AUTS2: variants seen among roughly 807,000 people sequenced by gnomAD.
AUTS2 encodes activator of transcription and developmental regulator AUTS2.
A neutral mutation model predicts 112.4 loss-of-function variants in AUTS2; 17 were observed. The ratio of observed to expected loss-of-function variants is 0.15; its 90% CI spans 0.10 to 0.23. AUTS2 has a LOEUF of 0.23. Ranked by LOEUF, AUTS2 falls within the 10% of genes least tolerant of loss-of-function variation. The probability of loss-of-function intolerance (pLI) is 1.00; values close to 1 mark genes in which losing one functional copy is unlikely to be tolerated. For missense variants in AUTS2, 1,510 were observed against 1,701.6 expected, an observed-to-expected ratio of 0.89 and a Z score of 1.98; for synonymous variants, 751 against 702.7, an observed-to-expected ratio of 1.07 and a Z score of -1.09.
intron 4 of AUTS2, among the ~76,000 whole-genome samples, chr7:70,295,328 CA>C (rs1444849316): frequency 6.6e-6 from 1 of 152,274 alleles, no homozygotes; most frequent in East Asian, 1.9e-4. Flanking sequence ...TGGGCTGTAT[CA>C]ATCTGTTACA....
At chr7:69,806,159 G>A (rs1241181379) in intron 1 of AUTS2, among the ~76,000 whole-genome samples, 1 of 137,422 alleles carries the variant, frequency 7.3e-6, no homozygotes, top group Non-Finnish European at 1.5e-5. Context: ...ACCTCCCAAA[G>A]TGGGATTACA....
At chr7:69,765,473 A>G (rs1436214083) in intron 1 of AUTS2, among the ~76,000 whole-genome samples, 2 of 152,112 alleles carry the variant, frequency 1.3e-5, no homozygotes, top group African/African-American at 2.4e-5. Context: ...TTTTAAAAAA[A>G]TTAATTACCC....
intron 4 of AUTS2, among the ~76,000 whole-genome samples, chr7:70,249,445 A>G (rs548020957): frequency 1.8e-4 from 28 of 152,180 alleles, no homozygotes; most frequent in Non-Finnish European, 3.4e-4. Context: ...ATTAGAATAA[A>G]TGGGAAATCT....
At chr7:69,902,954 A>C (rs1237699467) in intron 2 of AUTS2, among the ~76,000 whole-genome samples, 1 of 152,180 alleles carries the variant, frequency 6.6e-6, no homozygotes, top group South Asian at 2.1e-4. Context: ...TTACTTCCCA[A>C]AGGGGTTAAA....
chr7:70,459,290 G>A (rs1203622928), intron 5 of AUTS2, among the ~76,000 whole-genome samples: 2 of 152,126 alleles, frequency 1.3e-5, no homozygotes, highest in Non-Finnish European at 2.9e-5. Flanking sequence ...GACCATCCTT[G>A]AAATTGAGGC....
At chr7:70,557,769 T>C (rs1054336076) in intron 5 of AUTS2, among the ~76,000 whole-genome samples, 3 of 152,202 alleles carry the variant, frequency 2.0e-5, no homozygotes, top group African/African-American at 7.2e-5. Context: ...GATCTGATGC[T>C]GACTGTCAAT....
chr7:70,269,501 TG>T (rs1240389626), intron 4 of AUTS2, among the ~76,000 whole-genome samples: 1 of 152,212 alleles, frequency 6.6e-6, no homozygotes, highest in African/African-American at 2.4e-5. Context: ...CTCACTTGTC[TG>T]GGTTAAAAGT....
intron 2 of AUTS2, among the ~76,000 whole-genome samples, chr7:69,938,359 T>C (rs1796496653): frequency 6.6e-6 from 1 of 152,186 alleles, no homozygotes; most frequent in Non-Finnish European, 1.5e-5. Context: ...TCCAGGAAAC[T>C]TCCTTGACTC....
chr7:70,568,708 C>G (rs1273317612), intron 5 of AUTS2, among the ~76,000 whole-genome samples: 1 of 152,172 alleles, frequency 6.6e-6, no homozygotes, highest in Non-Finnish European at 1.5e-5. Flanking sequence ...ATGCACTGCT[C>G]CTGAATCCAC....
At chr7:70,477,206 C>T (rs963631569) in intron 5 of AUTS2, among the ~76,000 whole-genome samples, 3 of 152,180 alleles carry the variant, frequency 2.0e-5, no homozygotes, top group Non-Finnish European at 4.4e-5. Context: ...TAGTTACTCA[C>T]CTTTTCTTTT....
intron 1 of AUTS2, among the ~76,000 whole-genome samples, chr7:69,720,249 G>T (rs1429966597): frequency 6.6e-6 from 1 of 152,168 alleles, no homozygotes; most frequent in African/African-American, 2.4e-5. Context: ...TTGAGTTTTG[G>T]TCTACATTTT....
intron 16 of AUTS2, 76 bp from the exon 17 acceptor site, chr7:70,785,879 C>G: frequency 7.0e-7 from 1 of 1,421,700 alleles, no homozygotes; most frequent in Admixed American, 1.7e-5. Context: ...CCCGCATCGC[C>G]CTGCTCCCAG....
chr7:70,785,460 C>T (rs1446687995), intron 16 of AUTS2: 1 of 472,264 alleles, frequency 2.1e-6, no homozygotes, highest in East Asian at 6.6e-5. Context: ...AAATGAGTCT[C>T]TTCCTAATAA....
intron 1 of AUTS2, among the ~76,000 whole-genome samples, chr7:69,896,369 G>A (rs905575079): frequency 2.6e-5 from 4 of 152,184 alleles, no homozygotes; most frequent in African/African-American, 9.7e-5. Flanking sequence ...ATGGCAGAGG[G>A]TTAATCGTCT....
intron 4 of AUTS2, among the ~76,000 whole-genome samples, chr7:70,309,655 C>G (rs1423971540): frequency 6.6e-6 from 1 of 152,050 alleles, no homozygotes; most frequent in Non-Finnish European, 1.5e-5. Flanking sequence ...TATAGTAAAA[C>G]CCATGAGTTA....
intron 5 of AUTS2, among the ~76,000 whole-genome samples, chr7:70,523,239 G>A (rs1399537898): frequency 6.6e-6 from 1 of 152,124 alleles, no homozygotes; most frequent in Non-Finnish European, 1.5e-5. Flanking sequence ...GTGTGTAGCT[G>A]TGAGGTGGTC....
chr7:70,734,319 A>C (rs1450661354), intron 6 of AUTS2, among the ~76,000 whole-genome samples: 2 of 152,094 alleles, frequency 1.3e-5, no homozygotes, highest in African/African-American at 2.4e-5. Context: ...CGGTGCCTGT[A>C]GTCCCAGCTA....
At chr7:69,978,563 A>T (rs1265566066) in intron 2 of AUTS2, among the ~76,000 whole-genome samples, 1 of 152,086 alleles carries the variant, frequency 6.6e-6, no homozygotes, top group Non-Finnish European at 1.5e-5. Context: ...TATTGGTTGG[A>T]TGCAGTGGCT....
At chr7:70,373,161 G>C (rs1246265554) in intron 4 of AUTS2, among the ~76,000 whole-genome samples, 2 of 151,642 alleles carry the variant, frequency 1.3e-5, no homozygotes, top group East Asian at 3.9e-4. Context: ...AGGGGGGAGT[G>C]GGGGAAGAAG....
Sources: allele counts gnomAD v4.1 joint callset (sites outside exome capture counted in the v4.1 genomes callset), GRCh38; gene constraint gnomAD v4.1.1; transcripts MANE v1.5; gene names NCBI Gene and HGNC (gene_info 2026-07-23, HGNC 2026-07-21).